ARMH3: variants seen among roughly 807,000 people sequenced by gnomAD.
The protein encoded by ARMH3 is armadillo-like helical domain-containing protein 3.
A neutral mutation model predicts 99.1 loss-of-function variants in ARMH3; 60 were observed. That is an observed-to-expected ratio of 0.61 (90% CI 0.49 to 0.75). The LOEUF (loss-of-function observed/expected upper bound fraction) is 0.75. ARMH3 is among the 30% of genes least tolerant of loss of function. The probability of loss-of-function intolerance (pLI) is 0.00; values close to 1 mark genes in which losing one functional copy is unlikely to be tolerated. For synonymous variants in ARMH3, 285 were observed against 292.8 expected (o/e 0.97, Z 0.27); for missense variants, 679 against 843.1 (o/e 0.81, Z 2.41).
At chr10:101,978,149 ATT>A (rs1846085704) in intron 19 of ARMH3, among the ~76,000 whole-genome samples, 1 of 152,230 alleles carries the variant, frequency 6.6e-6, no homozygotes, top group South Asian at 2.1e-4. Flanking sequence ...ATGAACATAG[ATT>A]TCATGCTTAC....
At position 102,032,922 on chromosome 10, in the gene ARMH3, A is replaced by T. The variant is rs2067165432; in HGVS notation, c.306+104T>A. On this transcript the variant is annotated intron_variant, in intron 4 of 25. Coordinates refer to ENST00000370033, the MANE Select transcript of ARMH3 (RefSeq NM_024541.3). ...TGGTAACTTACAGAAATAAAAAAGAAAACCTCATACCTCAGAGCAACTCTA... is the reference window on the plus strand; with the variant it reads ...TGGTAACTTACAGAAATAAAAAAGATAACCTCATACCTCAGAGCAACTCTA... The T allele has an allele frequency of 3.8e-6, 5 of 1,307,916 alleles. No homozygotes were observed. The South Asian group carries it at 7.9e-5, about 21-fold the overall frequency. 81.0% of individuals were successfully genotyped at this position (1,307,916 alleles called of 1,614,324 possible).
At chr10:101,907,126 C>T (rs181742040) in intron 23 of ARMH3, among the ~76,000 whole-genome samples, 3 of 152,224 alleles carry the variant, frequency 2.0e-5, no homozygotes, top group East Asian at 1.9e-4. Context: ...AACGGGGAGA[C>T]GACCTGACAT....
At chr10:101,871,373 C>T (rs1449300433) in intron 24 of ARMH3, among the ~76,000 whole-genome samples, 1 of 151,964 alleles carries the variant, frequency 6.6e-6, no homozygotes, top group Admixed American at 6.6e-5. Context: ...TATTCAAAAA[C>T]ATTTAAAAAA....
At position 101,987,133 on chromosome 10, in the gene ARMH3, C is replaced by A. The variant is rs369922567; in HGVS notation, c.1406+3418G>T. Among the ~76,000 whole-genome samples the A allele has an allele frequency of 3.9e-4, 60 of 152,218 alleles. 1 individual carries two copies. The South Asian group carries it at 1.0e-2, about 25-fold the overall frequency. On this transcript the variant is annotated intron_variant, in intron 19 of 25. Coordinates refer to ENST00000370033, the MANE Select transcript of ARMH3 (RefSeq NM_024541.3). ...TGAACATACAATCTTATCATATCAG[C>A]CCCACCTTCAACTGTTCCTCATCAT...
chr10:101,975,730 G>A (rs1387708760), intron 19 of ARMH3, among the ~76,000 whole-genome samples: 1 of 152,024 alleles, frequency 6.6e-6, no homozygotes, highest in Non-Finnish European at 1.5e-5. Context: ...TGGGTGTGGT[G>A]ACATGTACCT....
At chr10:101,914,423 G>A (rs1473687030) in intron 23 of ARMH3, among the ~76,000 whole-genome samples, 1 of 151,244 alleles carries the variant, frequency 6.6e-6, no homozygotes, top group Non-Finnish European at 1.5e-5. Flanking sequence ...AGGAGGCAGA[G>A]GTTGCAGTGA....
intron 24 of ARMH3, among the ~76,000 whole-genome samples, chr10:101,850,296 G>A (rs1006042349): frequency 5.9e-5 from 9 of 151,438 alleles, no homozygotes; most frequent in Admixed American, 1.3e-4. Context: ...ATGGTGTTTC[G>A]CCATGTTGGC....
At chr10:101,954,610 A>G (rs1240626131) in intron 22 of ARMH3, among the ~76,000 whole-genome samples, 1 of 152,184 alleles carries the variant, frequency 6.6e-6, no homozygotes, top group Non-Finnish European at 1.5e-5. Context: ...TTACACTACT[A>G]TATAAATTTG....
intron 23 of ARMH3, among the ~76,000 whole-genome samples, chr10:101,893,329 C>CT (rs2067738303): frequency 6.6e-6 from 1 of 152,070 alleles, no homozygotes; most frequent in Non-Finnish European, 1.5e-5. Flanking sequence ...ACATTTTATG[C>CT]TTTTTTAGGT....
At chr10:102,029,431 G>C in intron 5 of ARMH3, 1 of 1,537,476 alleles carries the variant, frequency 6.5e-7, no homozygotes, top group Non-Finnish European at 8.8e-7. Flanking sequence ...CGCAGGGAAA[G>C]AATACCTCCA....
chr10:101,911,748 G>C (rs1320589092), intron 23 of ARMH3, among the ~76,000 whole-genome samples: 2 of 152,058 alleles, frequency 1.3e-5, no homozygotes, highest in East Asian at 1.9e-4. Flanking sequence ...ACATAAAAAA[G>C]ACATGGGGCC....
At chr10:101,855,196 T>C (rs1355190745) in intron 24 of ARMH3, among the ~76,000 whole-genome samples, 2 of 134,802 alleles carry the variant, frequency 1.5e-5, no homozygotes, top group African/African-American at 5.6e-5. Context: ...GCCTCCCAAG[T>C]AGCTGGGATT....
intron 22 of ARMH3, among the ~76,000 whole-genome samples, chr10:101,951,710 CA>C (rs897032657): frequency 1.6e-4 from 24 of 150,892 alleles, no homozygotes; most frequent in African/African-American, 5.8e-4. Flanking sequence ...CTACTAAAAA[CA>C]AAAAAAATTA....
intron 6 of ARMH3, among the ~76,000 whole-genome samples, chr10:102,024,680 A>T (rs1331710466): frequency 6.9e-6 from 1 of 145,230 alleles, no homozygotes; most frequent in African/African-American, 2.6e-5. Context: ...TTATCTGGGC[A>T]TGGTGGCACA....
At chr10:101,961,163 G>A (rs1845283861) in intron 20 of ARMH3, among the ~76,000 whole-genome samples, 1 of 152,026 alleles carries the variant, frequency 6.6e-6, no homozygotes, top group Non-Finnish European at 1.5e-5. Flanking sequence ...TCACTCACTG[G>A]CAACACAAAA....
At chr10:101,968,030 T>G (rs1220931722) in intron 20 of ARMH3, among the ~76,000 whole-genome samples, 1 of 151,816 alleles carries the variant, frequency 6.6e-6, no homozygotes, top group East Asian at 1.9e-4. Flanking sequence ...TTGCAGTCAA[T>G]GTGTATCTGC....
At chr10:101,937,082 T>C (rs1300701443) in intron 23 of ARMH3, among the ~76,000 whole-genome samples, 1 of 152,214 alleles carries the variant, frequency 6.6e-6, no homozygotes. Flanking sequence ...AAATAAGTTT[T>C]TCCAACTCAA....
chr10:101,921,674 T>C (rs919792190), intron 23 of ARMH3, among the ~76,000 whole-genome samples: 1 of 152,096 alleles, frequency 6.6e-6, no homozygotes, highest in Non-Finnish European at 1.5e-5. Context: ...AATCAAGTCA[T>C]TTGCAACAAC....
At chr10:102,028,625 T>C (rs2067054122) in intron 5 of ARMH3, among the ~76,000 whole-genome samples, 1 of 152,158 alleles carries the variant, frequency 6.6e-6, no homozygotes, top group Non-Finnish European at 1.5e-5. Context: ...TTATGTGAAG[T>C]AACTGCCAGA....
Sources: allele counts gnomAD v4.1 joint callset (sites outside exome capture counted in the v4.1 genomes callset), GRCh38; gene constraint gnomAD v4.1.1; transcripts MANE v1.5; gene names NCBI Gene and HGNC (gene_info 2026-07-23, HGNC 2026-07-21).